The following TMEM161B variants were observed in gnomAD, a reference collection of about 807,000 sequenced individuals.
The protein encoded by TMEM161B is transmembrane protein 161B.
Under a neutral mutation model 61.8 loss-of-function variants are expected in TMEM161B, and 34 were observed. That is an observed-to-expected ratio of 0.55 (90% CI 0.42 to 0.73). The LOEUF (loss-of-function observed/expected upper bound fraction) is 0.73, where lower values mean the gene tolerates loss of function less well. Ranked by LOEUF, TMEM161B falls within the 30% of genes least tolerant of loss-of-function variation. The probability of loss-of-function intolerance (pLI) is 0.00; values close to 1 mark genes in which losing one functional copy is unlikely to be tolerated. For synonymous variants in TMEM161B, 167 were observed against 192.8 expected (o/e 0.87, Z 1.11); for missense variants, 456 against 558.5 (o/e 0.82, Z 1.85).
downstream of TMEM161B, among the ~76,000 whole-genome samples, chr5:88,191,731 G>A (rs1380444591): frequency 6.6e-6 from 1 of 151,700 alleles, no homozygotes; most frequent in African/African-American, 2.4e-5. Context: ...GCCGAGGCAG[G>A]TGGATCACGA....
intron 1 of TMEM161B, among the ~76,000 whole-genome samples, chr5:88,266,505 A>C (rs1175176590): frequency 6.6e-6 from 1 of 152,226 alleles, no homozygotes; most frequent in Non-Finnish European, 1.5e-5. Context: ...CATAAATTTA[A>C]GAAGGTGCTT....
At chr5:88,214,395 A>G (rs1747429395) in intron 5 of TMEM161B, among the ~76,000 whole-genome samples, 1 of 152,080 alleles carries the variant, frequency 6.6e-6, no homozygotes, top group African/African-American at 2.4e-5. Context: ...TCAAATTCAC[A>G]TAATTGACTC....
chr5:88,218,469 G>A (rs995899820), intron 5 of TMEM161B, among the ~76,000 whole-genome samples: 1 of 152,088 alleles, frequency 6.6e-6, no homozygotes, highest in Non-Finnish European at 1.5e-5. Flanking sequence ...TAACGATAAT[G>A]CAGAGAAAAA....
downstream of TMEM161B, among the ~76,000 whole-genome samples, chr5:88,185,988 C>T (rs1580259884): frequency 6.6e-6 from 1 of 152,168 alleles, no homozygotes; most frequent in African/African-American, 2.4e-5. Flanking sequence ...ACTTAAAACA[C>T]ATTTGTTAAA....
At chr5:88,250,094 A>C (rs1754131290) in intron 1 of TMEM161B, among the ~76,000 whole-genome samples, 1 of 152,140 alleles carries the variant, frequency 6.6e-6, no homozygotes, top group Non-Finnish European at 1.5e-5. Context: ...CTAGACTCAT[A>C]AATCTTTTTT....
intron 1 of TMEM161B, among the ~76,000 whole-genome samples, chr5:88,254,128 A>C (rs1754678727): frequency 1.3e-5 from 2 of 152,080 alleles, no homozygotes; most frequent in African/African-American, 4.8e-5. Context: ...AATAGATGAG[A>C]TCAAAAACAT....
intron 1 of TMEM161B, among the ~76,000 whole-genome samples, chr5:88,266,597 A>G (rs1266518776): frequency 6.6e-6 from 1 of 152,242 alleles, no homozygotes; most frequent in Admixed American, 6.5e-5. Context: ...CCAAATCCAT[A>G]TAACTAACAA....
intron 1 of TMEM161B, among the ~76,000 whole-genome samples, chr5:88,246,406 G>A (rs948098380): frequency 1.3e-5 from 2 of 151,574 alleles, no homozygotes; most frequent in Non-Finnish European, 3.0e-5. Flanking sequence ...ATTTAAAAAC[G>A]AATCCTCAGA....
intron 1 of TMEM161B, among the ~76,000 whole-genome samples, chr5:88,242,576 A>G (rs529411447): frequency 6.6e-6 from 1 of 151,942 alleles, no homozygotes; most frequent in Admixed American, 6.6e-5. Flanking sequence ...GCTGGTCTCC[A>G]TCACCCACTA....
downstream of TMEM161B, among the ~76,000 whole-genome samples, chr5:88,187,715 C>A (rs940087035): frequency 5.3e-5 from 8 of 151,944 alleles, no homozygotes; most frequent in African/African-American, 1.9e-4. Context: ...CTCCTTGAAC[C>A]AATTTTGATA....
chr5:88,255,170 G>C (rs563557035), intron 1 of TMEM161B, among the ~76,000 whole-genome samples: 1 of 152,282 alleles, frequency 6.6e-6, no homozygotes, highest in East Asian at 1.9e-4. Flanking sequence ...TTTTGAAGAT[G>C]GTTATTTCCA....
chr5:88,195,120 A>T lies in TMEM161B; in HGVS notation c.*1091T>A. 3 of 984,574 alleles carry T rather than the reference A, an allele frequency of 3.0e-6. No homozygotes were observed. The highest frequency in any genetic ancestry group is 3.6e-6 in the Non-Finnish European group (3 of 828,836). The allele number at this position is 984,574 out of a possible 1,614,324, so 61.0% of individuals were successfully genotyped here. On this transcript the variant is annotated 3_prime_UTR_variant, in exon 12 of 12. Coordinates refer to ENST00000296595, the MANE Select transcript of TMEM161B (RefSeq NM_153354.5). ...GATTTTTGGAAATGACAGAAAAAGA[A>T]TTTTAATTTGGGAGAAACCATTAAG... is the stretch of plus-strand genomic sequence containing the variant.
chr5:88,222,484 A>T (rs184409270), intron 4 of TMEM161B, among the ~76,000 whole-genome samples: 4 of 152,318 alleles, frequency 2.6e-5, no homozygotes, highest in Admixed American at 1.3e-4. Context: ...AGAAAAAAAA[A>T]AATCACCCAT....
intron 1 of TMEM161B, among the ~76,000 whole-genome samples, chr5:88,247,851 G>T (rs563374544): frequency 1.3e-5 from 2 of 152,160 alleles, no homozygotes; most frequent in Admixed American, 1.3e-4. Context: ...TGTATTCAAT[G>T]AACATTTATT....
chr5:88,198,964 T>C lies in TMEM161B; in HGVS notation c.1089+12A>G. The C allele has an allele frequency of 6.2e-7, 1 of 1,608,364 alleles. No individual in the cohort carries two copies. The highest frequency in any genetic ancestry group is 8.5e-7 in the Non-Finnish European group (1 of 1,177,710). ...TTGCTATTTTTCATTTTGACTAGGG[T>C]ATAAAACTTACCATTTTCTGTAGCT... On this transcript the variant is annotated intron_variant, in intron 10 of 11. Coordinates refer to ENST00000296595, the MANE Select transcript of TMEM161B (RefSeq NM_153354.5).
At chr5:88,243,711 A>C (rs879203152) in intron 1 of TMEM161B, among the ~76,000 whole-genome samples, 1 of 151,960 alleles carries the variant, frequency 6.6e-6, no homozygotes, top group Non-Finnish European at 1.5e-5. Context: ...CATTCCCACC[A>C]GCAGAGCATA....
At chr5:88,261,088 T>C (rs1481135953) in intron 1 of TMEM161B, among the ~76,000 whole-genome samples, 1 of 152,216 alleles carries the variant, frequency 6.6e-6, no homozygotes, top group African/African-American at 2.4e-5. Flanking sequence ...GGTTGCAGGA[T>C]ACAAAGTTAA....
intron 1 of TMEM161B, among the ~76,000 whole-genome samples, chr5:88,242,438 T>C (rs1223176398): frequency 2.0e-5 from 3 of 151,790 alleles, no homozygotes; most frequent in Admixed American, 1.3e-4. Flanking sequence ...AAAAATAAAG[T>C]TGAATTCCTA....
chr5:88,192,012 A>ATGTATATATATATG (rs1226966194), downstream of TMEM161B, among the ~76,000 whole-genome samples: 1 of 93,990 alleles, frequency 1.1e-5, no homozygotes, highest in African/African-American at 4.8e-5. Flanking sequence ...ATATATATAT[A>ATGTATATATATATG]TATATATATA....
Sources: gnomAD v4.1 joint callset for allele counts (sites outside exome capture counted in the v4.1 genomes callset) on GRCh38, gnomAD v4.1.1 for gene constraint, MANE v1.5 for transcripts, NCBI Gene and HGNC (gene_info 2026-07-23, HGNC 2026-07-21) for gene names.